Variants in TSTD2 observed in about 807,000 individuals in gnomAD.
TSTD2 encodes the protein thiosulfate sulfurtransferase like domain containing 2.
TSTD2 carries 37 observed loss-of-function variants against 47.9 expected under a neutral mutation model. The observed-to-expected ratio is 0.77, with a 90% CI of 0.59 to 1.02. The LOEUF (loss-of-function observed/expected upper bound fraction) is 1.02. Among genes scored for constraint, TSTD2 ranks in the 50% least tolerant of loss-of-function variants. The pLI, the probability that TSTD2 is intolerant of heterozygous loss-of-function variation, is 0.00. For missense variants in TSTD2, 586 were observed against 616.0 expected (o/e 0.95, Z 0.52); for synonymous variants, 201 against 215.9 (o/e 0.93, Z 0.61).
chr9:97,628,570 A>T (rs563135205), intron 1 of TSTD2, among the ~76,000 whole-genome samples: 3 of 152,204 alleles, frequency 2.0e-5, no homozygotes, highest in Admixed American at 2.0e-4. Context: ...TGAATGCTGT[A>T]TTTTAAATTT....
Position 97,603,237 on chromosome 9 carries a change from C to G in TSTD2, c.1253-470G>C, listed in dbSNP as rs529488282. 3 of 165,854 alleles carry G rather than the reference C, an allele frequency of 1.8e-5. No homozygotes were observed. The East Asian group carries it at 5.8e-4, about 32-fold the overall frequency. 10.3% of individuals were successfully genotyped at this position (165,854 alleles called of 1,614,324 possible). A position where few individuals can be genotyped will look rare whatever the true frequency, so the allele number is the denominator to read the frequency against. ...CCTCTCCCCGAGGCCTGTGTCTCTC[C>G]TGCTGTTGCTAGGGCACTTGACCAT... On this transcript the variant is annotated intron_variant, in intron 9 of 9. Transcript: ENST00000341170.
intron 1 of TSTD2, among the ~76,000 whole-genome samples, chr9:97,633,023 T>C (rs915538205): frequency 6.6e-6 from 1 of 152,214 alleles, no homozygotes; most frequent in African/African-American, 2.4e-5. Flanking sequence ...AAACAATCAT[T>C]TGTTCCTTCC....
rs1376015851 is a variant in TSTD2, at chr9:97,600,401, G to GTTCT, written c.*2064_*2067dup. 2.0e-6 allele frequency: 2 copies of GTTCT among 985,732 alleles called. No individual in the cohort carries two copies. Among genetic ancestry groups the GTTCT allele is most frequent in the African/African-American group, 1.7e-5 (1 of 57,236 alleles). The allele number at this position is 985,732 out of a possible 1,614,324, so 61.1% of individuals were successfully genotyped here. On this transcript the variant is annotated 3_prime_UTR_variant, in exon 10 of 10. Transcript: ENST00000341170. The stretch of plus-strand genomic sequence containing the variant: ...CCAGGCAACAAACATGTCCCTGAGT[G>GTTCT]TTCTTTAAGAACATTTGGGATTTAT...
Position 97,602,700 on chromosome 9 carries a change from G to A in TSTD2, c.1320C>T (p.Leu440=), listed in dbSNP as rs185482386. The change falls in exon 10 of 10, where the codon CTC becomes CTT. Residue 440 remains leucine, a synonymous_variant. Coordinates refer to ENST00000341170, the MANE Select transcript of TSTD2 (RefSeq NM_139246.5). ...CTTGACAGGCAGGGCAGGTCAAAAC[G>A]AGCTGGCGGCACTGGGGAGTAGAGC... ...KLCSTPQCRQ[L]VLTCPACQGQ... The A allele has an allele frequency of 3.5e-5, 56 of 1,614,176 alleles. No homozygotes were observed. In the Middle Eastern group the frequency reaches 6.6e-4, roughly 19 times the overall value.
At chr9:97,609,514 G>A (rs375707831) in intron 6 of TSTD2, among the ~76,000 whole-genome samples, 6 of 152,308 alleles carry the variant, frequency 3.9e-5, no homozygotes, top group African/African-American at 1.4e-4. Flanking sequence ...CACAGTGAAT[G>A]AACCTTATTT....
intron 8 of TSTD2, 74 bp downstream of exon 8, chr9:97,605,409 C>A (rs1256929669): frequency 1.3e-6 from 2 of 1,581,910 alleles, no homozygotes; most frequent in Non-Finnish European, 1.7e-6. Context: ...GGGCAGCGGA[C>A]AGCTCCACGT....
chr9:97,602,383 G>T lies in TSTD2; in HGVS notation c.*86C>A. On this transcript the variant is annotated 3_prime_UTR_variant, in exon 10 of 10. Coordinates refer to ENST00000341170, the MANE Select transcript of TSTD2 (RefSeq NM_139246.5). The stretch of plus-strand genomic sequence containing the variant: ...CAGAACTGAAGTTCCCGATTTCTCT[G>T]TTTCTGCAGTCTTGCCATGCTTTCT... 2.1e-6 allele frequency: 3 copies of T among 1,441,246 alleles called. No individual in the cohort carries two copies. Among genetic ancestry groups the T allele is most frequent in the Non-Finnish European group, 2.8e-6 (3 of 1,086,118 alleles). 89.3% of individuals were successfully genotyped at this position (1,441,246 alleles called of 1,614,324 possible). A position where few individuals can be genotyped will look rare whatever the true frequency, so the allele number is the denominator to read the frequency against.
chr9:97,626,049 C>A lies in TSTD2; in HGVS notation c.166-52G>T, dbSNP rs756075617. 33 of 1,502,544 alleles carry A rather than the reference C, an allele frequency of 2.2e-5. No homozygotes were observed. In the African/African-American group the frequency reaches 4.5e-4, roughly 20 times the overall value. 93.1% of individuals were successfully genotyped at this position (1,502,544 alleles called of 1,614,324 possible). ...CTGTTAAATAACCTTAGGTTTATGG[C>A]TAATAGAAGTCTCACTAAGATTCTT... On this transcript the variant is annotated intron_variant, in intron 2 of 9. Coordinates refer to ENST00000341170, the MANE Select transcript of TSTD2 (RefSeq NM_139246.5).
chr9:97,616,488 A>C (rs1186244196), intron 4 of TSTD2, among the ~76,000 whole-genome samples: 1 of 152,112 alleles, frequency 6.6e-6, no homozygotes, highest in Non-Finnish European at 1.5e-5. Context: ...AAAGCTACTG[A>C]ATGGACTGGG....
At chr9:97,617,486 A>C (rs1005240497) in intron 4 of TSTD2, among the ~76,000 whole-genome samples, 31 of 152,250 alleles carry the variant, frequency 2.0e-4, no homozygotes, top group Admixed American at 6.5e-4. Context: ...TGCTATAACA[A>C]AACTGAATAG....
intron 3 of TSTD2, among the ~76,000 whole-genome samples, chr9:97,624,392 C>A (rs533243990): frequency 2.6e-5 from 4 of 152,226 alleles, no homozygotes; most frequent in African/African-American, 9.6e-5. Flanking sequence ...CTGCCACCAA[C>A]CACATGAGTG....
intron 3 of TSTD2, among the ~76,000 whole-genome samples, chr9:97,621,242 C>T (rs895005207): frequency 3.9e-5 from 6 of 152,206 alleles, no homozygotes; most frequent in Non-Finnish European, 7.3e-5. Context: ...CCAATCAATA[C>T]TCTCATAATT....
intron 3 of TSTD2, among the ~76,000 whole-genome samples, chr9:97,619,433 A>G (rs1398869159): frequency 6.6e-6 from 1 of 152,258 alleles, no homozygotes; most frequent in Non-Finnish European, 1.5e-5. Flanking sequence ...CTCAATGTGA[A>G]GGTGACAAAG....
Position 97,625,800 on chromosome 9 carries a change from G to A in TSTD2, c.363C>T (p.Thr121=). 1.9e-6 allele frequency: 3 copies of A among 1,614,164 alleles called. No homozygotes were observed. Among genetic ancestry groups the A allele is most frequent in the African/African-American group, 1.3e-5 (1 of 75,052 alleles). Residue 121 remains threonine, a synonymous_variant, in exon 3 of 10, where the codon ACC becomes ACT. Coordinates refer to ENST00000341170, the MANE Select transcript of TSTD2 (RefSeq NM_139246.5). ...ILKQLAVTLS[T]SKSLSSADEK... is the part of the protein sequence containing the mutation. The stretch of plus-strand genomic sequence containing the variant: ...CATCTGCAGACGAAAGACTCTTTGA[G>A]GTGCTCAATGTCACAGCCAGTTGCT...
In TSTD2 at chr9:97,605,498, G is replaced by C; in HGVS notation, c.1098C>G (p.Ala366=). The stretch of plus-strand genomic sequence containing the variant: ...GGTGGCTCACCTTGGCTTTGAGGTA[G>C]GCTGAACCCCGCTCACAGCGGATGC... The part of the protein sequence containing the change: ...TGGIRCERGS[A]YLKAKGVCKE... Residue 366 remains alanine, a synonymous_variant, in exon 8 of 10, where the codon GCC becomes GCG. Coordinates refer to ENST00000341170, the MANE Select transcript of TSTD2 (RefSeq NM_139246.5). 1 of 1,613,758 alleles carries C rather than the reference G, an allele frequency of 6.2e-7. No homozygotes were observed. The highest frequency in any genetic ancestry group is 1.1e-5 in the South Asian group (1 of 91,054).
chr9:97,601,162 C>G lies in TSTD2; in HGVS notation c.*1307G>C, dbSNP rs2131301926. On this transcript the variant is annotated 3_prime_UTR_variant, in exon 10 of 10. Transcript: ENST00000341170. ...AGTGGCACCATGTTGCAGGGACAAC[C>G]ATCCCCATTTGGCTTCTCCTTAAAA... 7.7e-7 allele frequency: 1 copy of G among 1,301,874 alleles called. No homozygotes were observed. The highest frequency in any genetic ancestry group is 5.6e-5 in the East Asian group (1 of 18,014). The allele number at this position is 1,301,874 out of a possible 1,614,324, so 80.6% of individuals were successfully genotyped here. A position where few individuals can be genotyped will look rare whatever the true frequency, so the allele number is the denominator to read the frequency against.
At chr9:97,628,252 T>C (rs569977633) in intron 1 of TSTD2, among the ~76,000 whole-genome samples, 3 of 152,360 alleles carry the variant, frequency 2.0e-5, no homozygotes, top group Admixed American at 2.0e-4. Context: ...GGCCAAATCT[T>C]GTCAAAATGG....
intron 1 of TSTD2, among the ~76,000 whole-genome samples, chr9:97,629,696 A>G (rs1414636882): frequency 1.3e-5 from 2 of 152,248 alleles, no homozygotes; most frequent in Admixed American, 6.5e-5. Flanking sequence ...TATTCAACAC[A>G]CTTCCTCCAT....
intron 1 of TSTD2, among the ~76,000 whole-genome samples, chr9:97,631,500 A>G: frequency 6.6e-6 from 1 of 152,078 alleles, no homozygotes; most frequent in Non-Finnish European, 1.5e-5. Flanking sequence ...AGCTACTATC[A>G]TTTGCAGCTA....
Sources: gnomAD v4.1 joint callset for allele counts (sites outside exome capture counted in the v4.1 genomes callset) on GRCh38, gnomAD v4.1.1 for gene constraint, MANE v1.5 for transcripts, NCBI Gene and HGNC (gene_info 2026-07-23, HGNC 2026-07-21) for gene names.